Variants in GALNTL6 observed in about 807,000 individuals in gnomAD.
GALNTL6 encodes the protein polypeptide N-acetylgalactosaminyltransferase like 6.
GALNTL6 carries 46 observed loss-of-function variants against 73.7 expected under a neutral mutation model. That is an observed-to-expected ratio of 0.62 (90% CI 0.49 to 0.80). The LOEUF (loss-of-function observed/expected upper bound fraction) is 0.80. GALNTL6 is among the 30% of genes least tolerant of loss of function. The pLI, the probability that GALNTL6 is intolerant of heterozygous loss-of-function variation, is 0.00. For missense variants in GALNTL6, 604 were observed against 755.0 expected (o/e 0.80, Z 2.34); for synonymous variants, 259 against 263.7 (o/e 0.98, Z 0.17).
chr4:172,590,270 G>A (rs1265130931), intron 5 of GALNTL6, among the ~76,000 whole-genome samples: 2 of 152,100 alleles, frequency 1.3e-5, no homozygotes, highest in African/African-American at 2.4e-5. Context: ...AACTTTTGTT[G>A]GAATGCAACA....
chr4:172,141,200 G>T (rs1003500264), intron 2 of GALNTL6, among the ~76,000 whole-genome samples: 3 of 151,978 alleles, frequency 2.0e-5, no homozygotes, highest in Admixed American at 6.6e-5. Context: ...CAGTGTGCTG[G>T]ATAGTAAGTG....
chr4:172,367,348 T>C (rs1251404609), intron 5 of GALNTL6, among the ~76,000 whole-genome samples: 1 of 152,216 alleles, frequency 6.6e-6, no homozygotes, highest in Non-Finnish European at 1.5e-5. Context: ...CATGATTAAC[T>C]TGAGTCTTTT....
chr4:172,117,011 T>C (rs1453251333), intron 2 of GALNTL6, among the ~76,000 whole-genome samples: 1 of 152,212 alleles, frequency 6.6e-6, no homozygotes, highest in Non-Finnish European at 1.5e-5. Context: ...GTGTGTATAA[T>C]GTATTATATA....
At chr4:172,802,303 A>G (rs558301365) in intron 5 of GALNTL6, among the ~76,000 whole-genome samples, 2 of 152,358 alleles carry the variant, frequency 1.3e-5, no homozygotes, top group South Asian at 4.1e-4. Context: ...GCTGGAATGT[A>G]ACAAAAGCCC....
At chr4:172,723,387 C>T (rs1286483326) in intron 5 of GALNTL6, among the ~76,000 whole-genome samples, 1 of 152,120 alleles carries the variant, frequency 6.6e-6, no homozygotes, top group Non-Finnish European at 1.5e-5. Context: ...TTGTGGCCTT[C>T]CCATACTTAT....
chr4:172,812,763 C>T (rs1741384311), intron 6 of GALNTL6, among the ~76,000 whole-genome samples: 1 of 152,204 alleles, frequency 6.6e-6, no homozygotes, highest in Non-Finnish European at 1.5e-5. Flanking sequence ...TTTCCCTAAT[C>T]TTACCTTTCT....
chr4:172,671,268 C>A (rs1579316268), intron 5 of GALNTL6, among the ~76,000 whole-genome samples: 2 of 152,050 alleles, frequency 1.3e-5, no homozygotes, highest in Admixed American at 1.3e-4. Context: ...GATATTGATT[C>A]TTTCTATCCA....
At chr4:172,597,233 GC>G (rs1202030412) in intron 5 of GALNTL6, among the ~76,000 whole-genome samples, 12 of 152,226 alleles carry the variant, frequency 7.9e-5, no homozygotes, top group African/African-American at 2.9e-4. Flanking sequence ...ATATGACACT[GC>G]CTCAGTTCTC....
chr4:172,065,585 G>C (rs542285819), intron 2 of GALNTL6, among the ~76,000 whole-genome samples: 90 of 151,224 alleles, frequency 6.0e-4, no homozygotes, highest in Non-Finnish European at 1.1e-3. Context: ...TTTTTTTTTA[G>C]AGTAGTTTTA....
intron 5 of GALNTL6, among the ~76,000 whole-genome samples, chr4:172,782,825 T>C (rs1325792569): frequency 6.6e-6 from 1 of 152,000 alleles, no homozygotes; most frequent in African/African-American, 2.4e-5. Context: ...TGAGGAAAAC[T>C]GTGTGCTTAA....
At chr4:172,080,535 A>G (rs919060909) in intron 2 of GALNTL6, among the ~76,000 whole-genome samples, 12 of 152,196 alleles carry the variant, frequency 7.9e-5, no homozygotes, top group Non-Finnish European at 1.5e-4. Flanking sequence ...TATATAAATT[A>G]TATGACTATT....
At chr4:171,931,507 A>T (rs1178834138) in intron 2 of GALNTL6, among the ~76,000 whole-genome samples, 5 of 152,226 alleles carry the variant, frequency 3.3e-5, no homozygotes, top group Admixed American at 2.0e-4. Flanking sequence ...TTAACATATG[A>T]TAGTCACTTT....
chr4:172,696,301 C>T (rs964062593), intron 5 of GALNTL6, among the ~76,000 whole-genome samples: 14 of 152,172 alleles, frequency 9.2e-5, no homozygotes, highest in Admixed American at 2.0e-4. Flanking sequence ...ATTTACAAAC[C>T]TTAAAAGACT....
intron 2 of GALNTL6, among the ~76,000 whole-genome samples, chr4:172,075,412 G>A (rs1731670692): frequency 6.6e-6 from 1 of 152,082 alleles, no homozygotes; most frequent in South Asian, 2.1e-4. Context: ...TCGGCTCACT[G>A]CAAGCTCTGC....
At chr4:172,317,520 G>A (rs925273629) in intron 4 of GALNTL6, among the ~76,000 whole-genome samples, 2 of 152,134 alleles carry the variant, frequency 1.3e-5, no homozygotes, top group African/African-American at 4.8e-5. Context: ...AATATAAGGA[G>A]ACCTAGTGTA....
intron 7 of GALNTL6, among the ~76,000 whole-genome samples, chr4:172,872,302 G>T (rs1303332360): frequency 6.6e-6 from 1 of 152,120 alleles, no homozygotes; most frequent in Non-Finnish European, 1.5e-5. Context: ...TTATTTTTAG[G>T]ATAAAAATGT....
intron 10 of GALNTL6, among the ~76,000 whole-genome samples, chr4:172,981,418 G>A (rs1394828395): frequency 6.6e-6 from 1 of 152,190 alleles, no homozygotes; most frequent in South Asian, 2.1e-4. Flanking sequence ...AATGTGAAGT[G>A]ATATGTCACT....
At chr4:172,643,308 A>T (rs1225137790) in intron 5 of GALNTL6, among the ~76,000 whole-genome samples, 1 of 152,012 alleles carries the variant, frequency 6.6e-6, no homozygotes, top group Non-Finnish European at 1.5e-5. Context: ...TTAATTAATT[A>T]TAAGGCCACA....
chr4:172,202,161 A>G (rs1013292599), intron 2 of GALNTL6, among the ~76,000 whole-genome samples: 4 of 152,218 alleles, frequency 2.6e-5, no homozygotes, highest in Non-Finnish European at 5.9e-5. Context: ...CAGTTCCTCA[A>G]AGCATAATTG....
Sources: gnomAD v4.1 joint callset for allele counts (sites outside exome capture counted in the v4.1 genomes callset) on GRCh38, gnomAD v4.1.1 for gene constraint, MANE v1.5 for transcripts, NCBI Gene and HGNC (gene_info 2026-07-23, HGNC 2026-07-21) for gene names.